Variants in KCNIP4 observed in about 807,000 individuals in gnomAD.
KCNIP4 encodes Kv channel-interacting protein 4.
A neutral mutation model predicts 34.0 loss-of-function variants in KCNIP4; 12 were observed. That is an observed-to-expected ratio of 0.35 (90% CI 0.23 to 0.57). KCNIP4 has a LOEUF of 0.57. Among genes scored for constraint, KCNIP4 ranks in the 20% least tolerant of loss-of-function variants. The pLI is 0.83. For missense variants in KCNIP4, 238 were observed against 311.7 expected (o/e 0.76, Z 1.78); for synonymous variants, 124 against 102.2 (o/e 1.21, Z -1.29).
At chr4:20,802,568 T>C (rs1714467661) in intron 3 of KCNIP4, among the ~76,000 whole-genome samples, 1 of 152,114 alleles carries the variant, frequency 6.6e-6, no homozygotes, top group Admixed American at 6.5e-5. Context: ...TTTTCACACA[T>C]GGAACATTCT....
At chr4:20,850,695 A>G in intron 2 of KCNIP4, 28 bp from the exon 3 acceptor site, 1 of 1,606,098 alleles carries the variant, frequency 6.2e-7, no homozygotes, top group Non-Finnish European at 8.5e-7. Flanking sequence ...AAAGAGTCTT[A>G]GGACCAGCCA....
intron 1 of KCNIP4, among the ~76,000 whole-genome samples, chr4:21,349,928 AT>A (rs1405499565): frequency 6.6e-6 from 1 of 152,112 alleles, no homozygotes; most frequent in Non-Finnish European, 1.5e-5. Flanking sequence ...TTCTGTGCTG[AT>A]TTACGTAATG....
At chr4:20,906,936 G>A (rs1727830122) in intron 1 of KCNIP4, among the ~76,000 whole-genome samples, 1 of 152,190 alleles carries the variant, frequency 6.6e-6, no homozygotes, top group Non-Finnish European at 1.5e-5. Context: ...AAGGTTTGGG[G>A]CATTGAGTTA....
intron 1 of KCNIP4, among the ~76,000 whole-genome samples, chr4:21,905,897 T>G (rs1248014251): frequency 6.6e-6 from 1 of 152,108 alleles, no homozygotes; most frequent in Admixed American, 6.6e-5. Flanking sequence ...GAGTGTGACA[T>G]TAGTAGTGAG....
At chr4:20,820,825 C>G (rs1717010494) in intron 3 of KCNIP4, among the ~76,000 whole-genome samples, 1 of 152,176 alleles carries the variant, frequency 6.6e-6, no homozygotes, top group Admixed American at 6.5e-5. Flanking sequence ...CAGTGCAGTG[C>G]TCTTTGGCTG....
intron 1 of KCNIP4, among the ~76,000 whole-genome samples, chr4:21,258,004 T>C (rs1185879773): frequency 6.6e-6 from 1 of 152,192 alleles, no homozygotes; most frequent in Non-Finnish European, 1.5e-5. Context: ...TCTTAGCTGC[T>C]TTACTTTGTC....
intron 1 of KCNIP4, among the ~76,000 whole-genome samples, chr4:21,878,571 G>A (rs1377227603): frequency 6.6e-6 from 1 of 152,138 alleles, no homozygotes; most frequent in Non-Finnish European, 1.5e-5. Context: ...GTCCCTTCCA[G>A]CTAAACCTGG....
At chr4:21,249,220 A>ACATG (rs1030182716) in intron 1 of KCNIP4, among the ~76,000 whole-genome samples, 2 of 152,128 alleles carry the variant, frequency 1.3e-5, no homozygotes, top group African/African-American at 2.4e-5. Context: ...AGATATACAA[A>ACATG]CATGCATGCA....
intron 3 of KCNIP4, among the ~76,000 whole-genome samples, chr4:20,803,718 AG>A (rs1714682272): frequency 1.7e-5 from 2 of 115,966 alleles, no homozygotes; most frequent in African/African-American, 6.5e-5. Flanking sequence ...AGAGAGAGAG[AG>A]AGAGAGAGAG....
At chr4:21,412,029 A>C (rs1457425509) in intron 1 of KCNIP4, among the ~76,000 whole-genome samples, 1 of 152,192 alleles carries the variant, frequency 6.6e-6, no homozygotes, top group Non-Finnish European at 1.5e-5. Flanking sequence ...GGCACTTGAC[A>C]TACTCAATTT....
At position 21,899,205 on chromosome 4, in the gene KCNIP4, T is replaced by C. The variant is rs1727569925; in HGVS notation, c.61+49366A>G. ...AAATCCAAATGATTATTTTGACAGA[T>C]TCCAAAAAAGGCATTTGATACAATC... On this transcript the variant is annotated intron_variant, in intron 1 of 8. Transcript: ENST00000382152. Among the ~76,000 whole-genome samples, 3 of 152,118 alleles carry C rather than the reference T, an allele frequency of 2.0e-5. No individual in the cohort carries two copies. The South Asian group carries it at 6.2e-4, about 32-fold the overall frequency.
At chr4:20,840,747 C>T in intron 3 of KCNIP4, among the ~76,000 whole-genome samples, 1 of 152,202 alleles carries the variant, frequency 6.6e-6, no homozygotes, top group East Asian at 1.9e-4. Flanking sequence ...TCTTAAACCA[C>T]TGAGTTACTG....
intron 3 of KCNIP4, among the ~76,000 whole-genome samples, chr4:20,799,981 C>A (rs1014285470): frequency 7.9e-5 from 12 of 152,222 alleles, no homozygotes; most frequent in African/African-American, 2.9e-4. Context: ...ACTGCATCCA[C>A]TTGTGCCTGG....
chr4:21,785,610 T>TAAATAAATAAATAAATAAAATA (rs1553931494), intron 1 of KCNIP4, among the ~76,000 whole-genome samples: 1 of 147,570 alleles, frequency 6.8e-6, no homozygotes, highest in Admixed American at 6.7e-5. Flanking sequence ...AATAAATAAA[T>TAAATAAATAAATAAATAAAATA]AAATAAAATA....
chr4:21,105,730 G>T (rs1380699986), intron 1 of KCNIP4, among the ~76,000 whole-genome samples: 1 of 151,492 alleles, frequency 6.6e-6, no homozygotes, highest in Non-Finnish European at 1.5e-5. Flanking sequence ...TTGGCTGTGG[G>T]TTTGTCATAG....
At chr4:21,636,272 C>G (rs951892716) in intron 1 of KCNIP4, among the ~76,000 whole-genome samples, 1 of 148,912 alleles carries the variant, frequency 6.7e-6, no homozygotes, top group African/African-American at 2.5e-5. Context: ...CACATGTACC[C>G]TAGAACTTAA....
At chr4:21,388,877 CTTTA>C (rs1722278700) in intron 1 of KCNIP4, among the ~76,000 whole-genome samples, 1 of 151,906 alleles carries the variant, frequency 6.6e-6, no homozygotes, top group Admixed American at 6.6e-5. Flanking sequence ...CATGTAATAT[CTTTA>C]TTTATAACTT....
intron 1 of KCNIP4, among the ~76,000 whole-genome samples, chr4:21,867,093 C>T (rs1449530521): frequency 7.9e-5 from 12 of 152,244 alleles, no homozygotes; most frequent in Admixed American, 5.9e-4. Context: ...AATTCTAATG[C>T]TTCAACTTTA....
intron 6 of KCNIP4, among the ~76,000 whole-genome samples, chr4:20,734,201 C>T (rs1370210318): frequency 2.0e-5 from 3 of 152,166 alleles, no homozygotes; most frequent in African/African-American, 7.2e-5. Flanking sequence ...TAGTCTGCCT[C>T]AACGTGCATT....
Sources: allele counts gnomAD v4.1 joint callset (sites outside exome capture counted in the v4.1 genomes callset), GRCh38; gene constraint gnomAD v4.1.1; transcripts MANE v1.5; gene names NCBI Gene and HGNC (gene_info 2026-07-23, HGNC 2026-07-21).